The following EFL1 variants were observed in gnomAD, a reference collection of about 807,000 sequenced individuals.
EFL1 encodes the protein elongation factor like GTPase 1.
EFL1 carries 76 observed loss-of-function variants against 126.7 expected under a neutral mutation model. That is an observed-to-expected ratio of 0.60 (90% CI 0.50 to 0.73). The LOEUF (loss-of-function observed/expected upper bound fraction) is 0.73, where lower values mean the gene tolerates loss of function less well. EFL1 is among the 30% of genes least tolerant of loss of function. EFL1 has a pLI of 0.00. For synonymous variants in EFL1, 410 were observed against 448.4 expected (o/e 0.91, Z 1.08); for missense variants, 1,128 against 1,343.2 (o/e 0.84, Z 2.50).
At chr15:82,134,757 T>C (rs1481153922) in intron 19 of EFL1, among the ~76,000 whole-genome samples, 1 of 152,250 alleles carries the variant, frequency 6.6e-6, no homozygotes, top group African/African-American at 2.4e-5. Flanking sequence ...GGTAATATTT[T>C]TTCTTTCTGT....
At chr15:82,227,718 A>C in intron 10 of EFL1, 146 bp from the exon 11 acceptor site, 10 of 1,035,870 alleles carry the variant, frequency 9.7e-6, no homozygotes, top group Non-Finnish European at 1.4e-5. Context: ...TTTATGCATC[A>C]CATCTCAAAA....
chr15:82,215,221 C>A (rs906309158), intron 14 of EFL1, among the ~76,000 whole-genome samples: 3 of 152,270 alleles, frequency 2.0e-5, no homozygotes, highest in Admixed American at 1.3e-4. Context: ...ATCATTTGAA[C>A]ACTCATTATT....
chr15:82,212,902 A>G (rs1454805109), intron 15 of EFL1, among the ~76,000 whole-genome samples: 1 of 152,246 alleles, frequency 6.6e-6, no homozygotes, highest in Admixed American at 6.5e-5. Flanking sequence ...TCCTGTTAGA[A>G]GGTCTTGACC....
chr15:82,214,605 T>A (rs1203124653), intron 15 of EFL1, 112 bp downstream of exon 15: 107 of 1,426,086 alleles, frequency 7.5e-5, no homozygotes, highest in Non-Finnish European at 9.9e-5. Context: ...AAAAAAAAAT[T>A]ATCAAACTAA....
intron 15 of EFL1, among the ~76,000 whole-genome samples, chr15:82,194,916 C>T (rs73436917): frequency 0.017 from 2,611 of 152,166 alleles, 79 homozygotes; most frequent in African/African-American, 0.059. Flanking sequence ...ATGATGAATA[C>T]AAAGAACAAA....
chr15:82,219,426 C>T (rs1231859997), intron 14 of EFL1, among the ~76,000 whole-genome samples: 4 of 152,186 alleles, frequency 2.6e-5, no homozygotes, highest in South Asian at 2.1e-4. Flanking sequence ...TATAATTAAA[C>T]AAGGCCTGAA....
At chr15:82,238,789 C>T (rs185563222) in intron 6 of EFL1, among the ~76,000 whole-genome samples, 104 of 152,162 alleles carry the variant, frequency 6.8e-4, no homozygotes, top group African/African-American at 2.4e-3. Context: ...TGTGTCATAT[C>T]CTTAATTTGT....
intron 9 of EFL1, 82 bp from the exon 10 acceptor site, chr15:82,228,409 T>A: frequency 1.3e-6 from 2 of 1,483,604 alleles, no homozygotes; most frequent in South Asian, 1.4e-5. Context: ...ATTTGGCATA[T>A]TTTTACCCTA....
At chr15:82,159,129 T>G (rs2073996654) in intron 16 of EFL1, among the ~76,000 whole-genome samples, 1 of 149,022 alleles carries the variant, frequency 6.7e-6, no homozygotes, top group Admixed American at 6.7e-5. Flanking sequence ...GCACCTTCAT[T>G]TGTTCCTTTT....
chr15:82,180,381 AAACAAAC>A (rs1567052944), intron 15 of EFL1, among the ~76,000 whole-genome samples: 1 of 128,280 alleles, frequency 7.8e-6, no homozygotes, highest in East Asian at 2.0e-4. Context: ...AACAAAAAAA[AAACAAAC>A]AAAAAAAACC....
At chr15:82,198,099 T>C (rs2074426978) in intron 15 of EFL1, among the ~76,000 whole-genome samples, 1 of 152,188 alleles carries the variant, frequency 6.6e-6, no homozygotes. Context: ...TGGGCACTGG[T>C]GTGGACAGAG....
At chr15:82,145,339 T>C (rs563496837) in intron 18 of EFL1, among the ~76,000 whole-genome samples, 7 of 150,092 alleles carry the variant, frequency 4.7e-5, no homozygotes, top group African/African-American at 1.7e-4. Context: ...GGGACACTTA[T>C]AAAGAATGTT....
chr15:82,197,892 C>T (rs543604082), intron 15 of EFL1, among the ~76,000 whole-genome samples: 5 of 152,098 alleles, frequency 3.3e-5, no homozygotes, highest in South Asian at 2.1e-4. Context: ...TGCTGCCTGC[C>T]CTGCCTGCCA....
intron 4 of EFL1, among the ~76,000 whole-genome samples, chr15:82,246,165 C>T (rs751469894): frequency 6.6e-6 from 1 of 152,048 alleles, no homozygotes; most frequent in African/African-American, 2.4e-5. Flanking sequence ...ATCTGCCACC[C>T]AGTACTGTGG....
At position 82,137,369 on chromosome 15, in the gene EFL1, G is replaced by GA. The variant is rs982233050; in HGVS notation, c.3174+1288dup. ...TGAGTTCTGCTGAAATAGAGTTTAA[G>GA]AAAAAAAAACCATGGATTATCTGTG... On this transcript the variant is annotated intron_variant, in intron 19 of 19. Coordinates refer to ENST00000268206, the MANE Select transcript of EFL1 (RefSeq NM_024580.6). Among the ~76,000 whole-genome samples the GA allele has an allele frequency of 1.5e-4, 22 of 150,956 alleles. No individual in the cohort carries two copies. In the South Asian group the frequency reaches 3.1e-3, roughly 22 times the overall value.
intron 2 of EFL1, 94 bp downstream of exon 2, chr15:82,261,594 T>A: frequency 1.7e-6 from 2 of 1,189,210 alleles, no homozygotes; most frequent in Non-Finnish European, 2.4e-6. Flanking sequence ...TTAGCAAACA[T>A]CACTCTCAGC....
chr15:82,209,334 C>G (rs1295993742), intron 15 of EFL1, among the ~76,000 whole-genome samples: 1 of 151,584 alleles, frequency 6.6e-6, no homozygotes, highest in African/African-American at 2.4e-5. Context: ...CACACACACA[C>G]ACACACACAC....
chr15:82,134,800 T>C (rs575281078), intron 19 of EFL1, among the ~76,000 whole-genome samples: 1 of 152,354 alleles, frequency 6.6e-6, no homozygotes, highest in East Asian at 1.9e-4. Flanking sequence ...TCCTTTTTCA[T>C]AGAAGGGTAA....
In EFL1 at chr15:82,224,004, G is replaced by A. The variant is rs1324097712; in HGVS notation, c.1292+1161C>T. On this transcript the variant is annotated intron_variant, in intron 12 of 19. Transcript: ENST00000268206. ...ACAAAGCATAACCTTTCCCCTGAAG[G>A]ACAAACAGAATTTTATCAGAGGAAA... 7.9e-5 allele frequency among the ~76,000 whole-genome samples: 12 copies of A among 152,154 alleles called. 1 individual carries two copies. The highest frequency in any genetic ancestry group is 5.2e-4 in the Admixed American group (8 of 15,274).
Sources: gnomAD v4.1 joint callset for allele counts (sites outside exome capture counted in the v4.1 genomes callset) on GRCh38, gnomAD v4.1.1 for gene constraint, MANE v1.5 for transcripts, NCBI Gene and HGNC (gene_info 2026-07-23, HGNC 2026-07-21) for gene names.